SORCS3: variants seen among roughly 807,000 people sequenced by gnomAD.
SORCS3 encodes the protein sortilin related VPS10 domain containing receptor 3, also known as VPS10 domain-containing receptor SorCS3.
A neutral mutation model predicts 146.3 loss-of-function variants in SORCS3; 57 were observed. The ratio of observed to expected loss-of-function variants is 0.39; its 90% CI spans 0.31 to 0.49. SORCS3 has a LOEUF of 0.49. Ranked by LOEUF, SORCS3 falls within the 20% of genes least tolerant of loss-of-function variation. The probability of loss-of-function intolerance (pLI) is 0.92; values close to 1 mark genes in which losing one functional copy is unlikely to be tolerated. For missense variants in SORCS3, 1,341 were observed against 1,575.5 expected (o/e 0.85, Z 2.52); for synonymous variants, 653 against 618.5 (o/e 1.06, Z -0.83).
At chr10:104,807,452 A>C (rs2017691290) in intron 1 of SORCS3, among the ~76,000 whole-genome samples, 1 of 152,204 alleles carries the variant, frequency 6.6e-6, no homozygotes, top group Admixed American at 6.5e-5. Flanking sequence ...AAGAGTTCTT[A>C]AAACCTCTAA....
chr10:105,079,216 T>A (rs1162923088), intron 5 of SORCS3, among the ~76,000 whole-genome samples: 1 of 152,126 alleles, frequency 6.6e-6, no homozygotes, highest in Non-Finnish European at 1.5e-5. Context: ...GCTGCTACAA[T>A]CAGAATCAGA....
intron 4 of SORCS3, among the ~76,000 whole-genome samples, chr10:105,035,550 C>A (rs2055300316): frequency 6.6e-6 from 1 of 151,620 alleles, no homozygotes; most frequent in Non-Finnish European, 1.5e-5. Flanking sequence ...TCACTGCAAC[C>A]TCCGCCTCCC....
chr10:105,114,130 C>T (rs1288867829), intron 7 of SORCS3, among the ~76,000 whole-genome samples: 1 of 152,114 alleles, frequency 6.6e-6, no homozygotes, highest in East Asian at 1.9e-4. Context: ...CAAGAACAGT[C>T]CCTTAGTAAC....
chr10:105,039,535 C>A (rs191437698), intron 4 of SORCS3, among the ~76,000 whole-genome samples: 2 of 147,168 alleles, frequency 1.4e-5, no homozygotes, highest in East Asian at 4.0e-4. Context: ...TGGCTCACTG[C>A]AGCCTCCGCC....
At chr10:105,038,624 A>T (rs1232033834) in intron 4 of SORCS3, among the ~76,000 whole-genome samples, 1 of 152,186 alleles carries the variant, frequency 6.6e-6, no homozygotes, top group Non-Finnish European at 1.5e-5. Context: ...TCTAAAAATG[A>T]TGGAAACTTC....
chr10:104,934,003 C>G (rs988727519), intron 3 of SORCS3, among the ~76,000 whole-genome samples: 4 of 152,132 alleles, frequency 2.6e-5, no homozygotes, highest in Non-Finnish European at 5.9e-5. Flanking sequence ...CCACGTTGGC[C>G]AGGCTGGTCT....
At chr10:105,191,670 G>C (rs905712024) in intron 14 of SORCS3, among the ~76,000 whole-genome samples, 1 of 152,156 alleles carries the variant, frequency 6.6e-6, no homozygotes, top group Admixed American at 6.5e-5. Flanking sequence ...CAGGTGGGGG[G>C]TGTTGATTTC....
chr10:105,247,183 C>T (rs11192379), intron 21 of SORCS3, 36 bp from the exon 22 acceptor site: 1 of 1,278,326 alleles, frequency 7.8e-7, no homozygotes, highest in East Asian at 2.4e-5. Context: ...TCTTCTCACT[C>T]TCCCAGCCTC....
At chr10:104,645,694 C>T (rs960145806) in intron 1 of SORCS3, among the ~76,000 whole-genome samples, 2 of 152,186 alleles carry the variant, frequency 1.3e-5, no homozygotes, top group African/African-American at 4.8e-5. Context: ...CCCAGATCAC[C>T]CTGCCCTGAG....
chr10:104,819,876 C>T lies in SORCS3; in HGVS notation c.628-22916C>T, dbSNP rs571687976. On this transcript the variant is annotated intron_variant, in intron 1 of 26. Coordinates refer to ENST00000369701, the MANE Select transcript of SORCS3 (RefSeq NM_014978.3). ...AGGAGGGAAATGCAGAAGGCAGTGA[C>T]GTGGCCTTCACTTCCAGAGCCAAGA... 1.2e-4 allele frequency among the ~76,000 whole-genome samples: 18 copies of T among 152,286 alleles called. No homozygotes were observed. In the South Asian group the frequency reaches 2.5e-3, roughly 21 times the overall value.
Position 105,216,945 on chromosome 10 carries a change from C to A in SORCS3, c.2557C>A (p.Gln853Lys), listed in dbSNP as rs1314193712. 6.2e-7 allele frequency: 1 copy of A among 1,614,020 alleles called. No homozygotes were observed. The highest frequency in any genetic ancestry group is 8.5e-7 in the Non-Finnish European group (1 of 1,180,024). ...CTATGCCATCTTGCAGGGTGATCTA[C>A]AAAGGACAAACATCCAGCTTGACTT... ...FIILMEEGDL[Q>K]RTNIQLDFGD... The change falls in exon 19 of 27, where the codon CAA becomes AAA. Residue 853 changes from glutamine (Q) to lysine (K), a missense_variant. Coordinates refer to ENST00000369701, the MANE Select transcript of SORCS3 (RefSeq NM_014978.3).
intron 1 of SORCS3, among the ~76,000 whole-genome samples, chr10:104,713,983 G>A (rs990561751): frequency 6.6e-6 from 1 of 152,126 alleles, no homozygotes; most frequent in Non-Finnish European, 1.5e-5. Context: ...AGTTATGCTA[G>A]TTTGTGTCTT....
intron 4 of SORCS3, among the ~76,000 whole-genome samples, chr10:105,010,738 T>C (rs968603754): frequency 3.3e-5 from 5 of 151,702 alleles, no homozygotes; most frequent in African/African-American, 1.2e-4. Flanking sequence ...TTTTTCTCTC[T>C]TTCAGTGGCA....
At chr10:104,999,944 C>T (rs918452853) in intron 4 of SORCS3, among the ~76,000 whole-genome samples, 2 of 152,124 alleles carry the variant, frequency 1.3e-5, no homozygotes, top group African/African-American at 4.8e-5. Flanking sequence ...CTGCCTTTTA[C>T]TTGGCCCCTG....
intron 5 of SORCS3, among the ~76,000 whole-genome samples, chr10:105,078,034 G>A (rs1242744286): frequency 6.6e-6 from 1 of 152,192 alleles, no homozygotes; most frequent in African/African-American, 2.4e-5. Flanking sequence ...TTCACAGGAC[G>A]ATCACATTTG....
At chr10:105,221,382 G>A (rs572628279) in intron 19 of SORCS3, among the ~76,000 whole-genome samples, 7 of 152,200 alleles carry the variant, frequency 4.6e-5, no homozygotes, top group Non-Finnish European at 7.3e-5. Context: ...CAGAAACAGT[G>A]ATGGCAGTGG....
chr10:105,029,152 T>A (rs2055248800), intron 4 of SORCS3, among the ~76,000 whole-genome samples: 1 of 152,178 alleles, frequency 6.6e-6, no homozygotes, highest in East Asian at 1.9e-4. Flanking sequence ...GGTATTCTAT[T>A]CCCAGAGATT....
intron 1 of SORCS3, among the ~76,000 whole-genome samples, chr10:104,691,335 G>GT (rs2016109172): frequency 2.0e-5 from 3 of 152,228 alleles, no homozygotes; most frequent in Non-Finnish European, 4.4e-5. Flanking sequence ...GGAAGAAGTT[G>GT]TTTGTGTGGG....
intron 5 of SORCS3, among the ~76,000 whole-genome samples, chr10:105,077,536 A>ACT (rs1468502626): frequency 1.0e-5 from 1 of 96,092 alleles, no homozygotes; most frequent in African/African-American, 3.5e-5. Context: ...ACACACACAC[A>ACT]CACACACACA....
Sources: allele counts gnomAD v4.1 joint callset (sites outside exome capture counted in the v4.1 genomes callset), GRCh38; gene constraint gnomAD v4.1.1; transcripts MANE v1.5; gene names NCBI Gene and HGNC (gene_info 2026-07-23, HGNC 2026-07-21).